The following NOL4 variants were observed in gnomAD, a reference collection of about 807,000 sequenced individuals.
NOL4 encodes the protein cancer/testis antigen 125.
In NOL4, 17 loss-of-function variants were observed where a neutral mutation model predicts 75.9. The ratio of observed to expected loss-of-function variants is 0.22; its 90% CI spans 0.15 to 0.34. The LOEUF is 0.34. Among genes scored for constraint, NOL4 ranks in the 10% least tolerant of loss-of-function variants. The pLI is 1.00. For synonymous variants in NOL4, 292 were observed against 289.9 expected, an observed-to-expected ratio of 1.01 and a Z score of -0.07; for missense variants, 614 against 793.5, an observed-to-expected ratio of 0.77 and a Z score of 2.72.
intron 5 of NOL4, among the ~76,000 whole-genome samples, chr18:34,035,468 C>T (rs1025088400): frequency 6.6e-6 from 1 of 151,596 alleles, no homozygotes; most frequent in Non-Finnish European, 1.5e-5. Flanking sequence ...AAAAACAGTA[C>T]TAAGAGGGAA....
intron 9 of NOL4, among the ~76,000 whole-genome samples, chr18:33,914,643 G>C (rs911440105): frequency 1.9e-4 from 29 of 152,180 alleles, no homozygotes; most frequent in African/African-American, 6.7e-4. Context: ...GGTAAGAACA[G>C]TGTGGGCAGA....
At chr18:34,158,357 T>G (rs2030819489) in intron 1 of NOL4, among the ~76,000 whole-genome samples, 1 of 152,204 alleles carries the variant, frequency 6.6e-6, no homozygotes, top group Admixed American at 6.5e-5. Context: ...GATGCATCTA[T>G]GCACTAAATC....
intron 9 of NOL4, among the ~76,000 whole-genome samples, chr18:33,923,493 A>C (rs2067157150): frequency 6.6e-6 from 1 of 152,036 alleles, no homozygotes; most frequent in African/African-American, 2.4e-5. Flanking sequence ...AATGATATAT[A>C]TCTTAATGTT....
chr18:34,082,576 A>G (rs1415759302), intron 5 of NOL4, among the ~76,000 whole-genome samples: 1 of 152,196 alleles, frequency 6.6e-6, no homozygotes, highest in African/African-American at 2.4e-5. Flanking sequence ...TGACTCTAAA[A>G]TAGAATCATG....
At chr18:34,179,511 G>C (rs903396580) in intron 1 of NOL4, among the ~76,000 whole-genome samples, 5 of 150,508 alleles carry the variant, frequency 3.3e-5, no homozygotes. Context: ...ATTACTAAAA[G>C]AATGAAAAAA....
intron 10 of NOL4, among the ~76,000 whole-genome samples, chr18:33,876,649 T>C (rs893581149): frequency 1.3e-5 from 2 of 152,184 alleles, no homozygotes; most frequent in Middle Eastern, 3.4e-3. Context: ...GTCTTAAAGA[T>C]GAAGAAATGA....
chr18:34,154,800 C>A (rs543363258), intron 1 of NOL4, among the ~76,000 whole-genome samples: 7 of 152,036 alleles, frequency 4.6e-5, no homozygotes, highest in African/African-American at 1.7e-4. Context: ...GCTCAACATT[C>A]TCACAAACTC....
chr18:34,000,379 C>T (rs1478834846), intron 6 of NOL4, among the ~76,000 whole-genome samples: 1 of 152,166 alleles, frequency 6.6e-6, no homozygotes, highest in African/African-American at 2.4e-5. Context: ...ATTCAACACT[C>T]TGTTGGGTAT....
intron 1 of NOL4, among the ~76,000 whole-genome samples, chr18:34,188,239 G>A (rs561233779): frequency 2.0e-5 from 3 of 151,944 alleles, no homozygotes; most frequent in Non-Finnish European, 4.4e-5. Flanking sequence ...TGCTAGGACT[G>A]TAGTAAAAAA....
In NOL4 at chr18:34,211,398, C is replaced by T. The variant is rs563268660; in HGVS notation, c.264+11592G>A. ...GACCCACATCTGATATTCAAACAAA[C>T]CTTTGATATTAGATTTGAAAAATCT... On this transcript the variant is annotated intron_variant, in intron 1 of 10. Coordinates refer to ENST00000261592, the MANE Select transcript of NOL4 (RefSeq NM_003787.5). 5.3e-5 allele frequency among the ~76,000 whole-genome samples: 8 copies of T among 152,188 alleles called. No individual in the cohort carries two copies. In the South Asian group the frequency reaches 1.0e-3, roughly 20 times the overall value.
At chr18:34,191,902 A>C (rs1221695942) in intron 1 of NOL4, among the ~76,000 whole-genome samples, 1 of 152,112 alleles carries the variant, frequency 6.6e-6, no homozygotes, top group Admixed American at 6.6e-5. Context: ...CATGGTTAAA[A>C]ATTCCTCTAC....
chr18:34,052,286 G>A (rs2076655729), intron 5 of NOL4, among the ~76,000 whole-genome samples: 1 of 151,752 alleles, frequency 6.6e-6, no homozygotes, highest in Admixed American at 6.6e-5. Context: ...ATACATGGTT[G>A]ATCTATAAAA....
At chr18:34,153,721 G>T in intron 1 of NOL4, among the ~76,000 whole-genome samples, 1 of 152,032 alleles carries the variant, frequency 6.6e-6, no homozygotes, top group East Asian at 1.9e-4. Context: ...TTAAGACAGA[G>T]ACTATATTGT....
intron 9 of NOL4, among the ~76,000 whole-genome samples, chr18:33,894,065 G>A (rs533048055): frequency 6.6e-6 from 1 of 152,194 alleles, no homozygotes; most frequent in South Asian, 2.1e-4. Flanking sequence ...TAGTACAGAT[G>A]GGGCAAGGGA....
intron 5 of NOL4, among the ~76,000 whole-genome samples, chr18:34,058,806 C>T (rs923295260): frequency 5.3e-5 from 8 of 151,910 alleles, no homozygotes. Flanking sequence ...AATGGATCTA[C>T]CATGTTAGGA....
Position 34,024,187 on chromosome 18 carries a change from A to AT in NOL4, c.773-4587_773-4586insA, listed in dbSNP as rs1297197023. On this transcript the variant is annotated intron_variant, in intron 5 of 10. Coordinates refer to ENST00000261592, the MANE Select transcript of NOL4 (RefSeq NM_003787.5). ...CCTTAGGCAAAATAAACAGGAAAAA[A>AT]AAAAAAAATATATATATATATATAT... is the stretch of plus-strand genomic sequence containing the variant. Among the ~76,000 whole-genome samples the AT allele has an allele frequency of 3.6e-4, 32 of 89,486 alleles. 1 individual carries two copies. The highest frequency in any genetic ancestry group is 1.2e-3 in the African/African-American group (29 of 24,982). The allele number at this position is 89,486 out of a possible 152,430, so 58.7% of individuals were successfully genotyped here.
intron 6 of NOL4, among the ~76,000 whole-genome samples, chr18:33,967,066 A>T (rs1324861966): frequency 1.3e-5 from 2 of 152,200 alleles, no homozygotes; most frequent in Non-Finnish European, 2.9e-5. Flanking sequence ...ACACTACCTG[A>T]TTTCAAACTA....
At position 34,129,929 on chromosome 18, in the gene NOL4, G is replaced by A. The variant is rs776840738; in HGVS notation, c.356C>T (p.Thr119Met). ...FDIIYSMHVE[T>M]GPNGEQIRKH... ...CCGAATTTGTTCTCCATTTGGCCCC[G>A]TTTCCACATGCATCGAATAAATAAT... Residue 119 changes from threonine (T) to methionine (M), a missense_variant, in exon 2 of 11, where the codon ACG becomes ATG. Physicochemically the swap from Thr to Met is moderately conservative, Grantham distance 81. Transcript: ENST00000261592. 4.6e-5 allele frequency: 73 copies of A among 1,591,720 alleles called. No individual in the cohort carries two copies. Among genetic ancestry groups the A allele is most frequent in the Admixed American group, 7.0e-5 (4 of 57,530 alleles).
At chr18:34,216,916 A>T (rs2036929144) in intron 1 of NOL4, among the ~76,000 whole-genome samples, 2 of 152,076 alleles carry the variant, frequency 1.3e-5, no homozygotes, top group South Asian at 4.1e-4. Context: ...CGCATTGACA[A>T]TCTTATATTT....
Sources: allele counts gnomAD v4.1 joint callset (sites outside exome capture counted in the v4.1 genomes callset), GRCh38; gene constraint gnomAD v4.1.1; transcripts MANE v1.5; gene names NCBI Gene and HGNC (gene_info 2026-07-23, HGNC 2026-07-21).